Variants in FAM135B observed in about 807,000 individuals in gnomAD.
FAM135B encodes the protein family with sequence similarity 135 member B.
Under a neutral mutation model 127.7 loss-of-function variants are expected in FAM135B, and 43 were observed. The observed-to-expected ratio is 0.34, with a 90% CI of 0.26 to 0.43. The LOEUF is 0.43. FAM135B is among the 20% of genes least tolerant of loss of function. FAM135B has a pLI of 1.00. For synonymous variants in FAM135B, 670 were observed against 665.1 expected (o/e 1.01, Z -0.11); for missense variants, 1,558 against 1,725.6 (o/e 0.90, Z 1.72).
chr8:138,477,913 T>C (rs1375137984), intron 1 of FAM135B, among the ~76,000 whole-genome samples: 1 of 152,158 alleles, frequency 6.6e-6, no homozygotes, highest in Non-Finnish European at 1.5e-5. Flanking sequence ...CTCATGGTCA[T>C]GAACCAGAAA....
chr8:138,396,218 C>G (rs2131345899), intron 1 of FAM135B, among the ~76,000 whole-genome samples: 1 of 152,280 alleles, frequency 6.6e-6, no homozygotes. Context: ...CAGTCTTCCC[C>G]ACTGAAATGT....
intron 7 of FAM135B, among the ~76,000 whole-genome samples, chr8:138,240,804 T>C (rs1176364217): frequency 6.6e-6 from 1 of 152,190 alleles, no homozygotes; most frequent in East Asian, 1.9e-4. Flanking sequence ...AGAAACCTTC[T>C]CATAATCATC....
chr8:138,408,267 G>A (rs1329972645), intron 1 of FAM135B, among the ~76,000 whole-genome samples: 3 of 152,162 alleles, frequency 2.0e-5, no homozygotes, highest in African/African-American at 7.2e-5. Flanking sequence ...CTGAAAATCT[G>A]TTCCTTAGGG....
chr8:138,280,210 GTCT>G (rs1159530515), intron 3 of FAM135B, among the ~76,000 whole-genome samples: 2 of 152,182 alleles, frequency 1.3e-5, no homozygotes, highest in African/African-American at 4.8e-5. Context: ...GACTCCTTGT[GTCT>G]GAGAAAATTC....
chr8:138,427,076 T>C (rs1414897491), intron 1 of FAM135B, among the ~76,000 whole-genome samples: 3 of 151,966 alleles, frequency 2.0e-5, no homozygotes, highest in African/African-American at 7.2e-5. Flanking sequence ...CCTGTTTGTA[T>C]AAACCTGTTC....
At chr8:138,210,296 C>G (rs1159874147) in intron 7 of FAM135B, among the ~76,000 whole-genome samples, 9 of 152,198 alleles carry the variant, frequency 5.9e-5, no homozygotes, top group Admixed American at 5.9e-4. Context: ...GGCACAGAGT[C>G]AGCAGCTATG....
At chr8:138,160,668 G>A (rs1340567925) in intron 12 of FAM135B, among the ~76,000 whole-genome samples, 1 of 151,864 alleles carries the variant, frequency 6.6e-6, no homozygotes, top group Non-Finnish European at 1.5e-5. Context: ...AAAGTGCTAG[G>A]ATTACAGGCG....
intron 1 of FAM135B, among the ~76,000 whole-genome samples, chr8:138,460,927 C>A (rs1837085406): frequency 1.3e-5 from 2 of 152,156 alleles, no homozygotes; most frequent in Admixed American, 1.3e-4. Context: ...TGAGGTAGGG[C>A]TCAGACTCCT....
chr8:138,257,013 C>T (rs1360698560), intron 4 of FAM135B, among the ~76,000 whole-genome samples: 1 of 152,170 alleles, frequency 6.6e-6, no homozygotes. Context: ...AAAAAAAATG[C>T]TAAACAAGTT....
chr8:138,464,445 C>T (rs1837290100), intron 1 of FAM135B, among the ~76,000 whole-genome samples: 2 of 152,178 alleles, frequency 1.3e-5, no homozygotes, highest in Non-Finnish European at 2.9e-5. Context: ...AAACAATACC[C>T]ACCCCTTAGA....
intron 6 of FAM135B, among the ~76,000 whole-genome samples, chr8:138,246,267 GA>G (rs1330741317): frequency 6.6e-6 from 1 of 152,278 alleles, no homozygotes; most frequent in African/African-American, 2.4e-5. Flanking sequence ...AGGAAATGGG[GA>G]AAATGTCTCT....
At chr8:138,172,157 C>T (rs188254057) in intron 11 of FAM135B, among the ~76,000 whole-genome samples, 1 of 152,220 alleles carries the variant, frequency 6.6e-6, no homozygotes, top group Non-Finnish European at 1.5e-5. Context: ...ATTAAGCAAA[C>T]TGCAGGGAGA....
chr8:138,181,496 C>T (rs1016258277), intron 9 of FAM135B, among the ~76,000 whole-genome samples: 1 of 152,104 alleles, frequency 6.6e-6, no homozygotes, highest in Non-Finnish European at 1.5e-5. Flanking sequence ...CTCCCGTTCC[C>T]AGCCATACCA....
At chr8:138,368,038 A>G (rs1587254303) in intron 1 of FAM135B, 36 bp from the exon 2 acceptor site, 1 of 1,454,466 alleles carries the variant, frequency 6.9e-7, no homozygotes, top group East Asian at 2.3e-5. Flanking sequence ...GTTTGAGATC[A>G]CATCAGCCAC....
intron 3 of FAM135B, among the ~76,000 whole-genome samples, chr8:138,287,798 C>T (rs1293577109): frequency 6.6e-6 from 1 of 152,148 alleles, no homozygotes; most frequent in Non-Finnish European, 1.5e-5. Context: ...ACCACTGTTC[C>T]CAGTAGTACA....
intron 3 of FAM135B, among the ~76,000 whole-genome samples, chr8:138,308,288 C>T (rs1304178921): frequency 1.3e-5 from 2 of 152,234 alleles, no homozygotes; most frequent in African/African-American, 4.8e-5. Flanking sequence ...TTGGCTGCTC[C>T]ATCCTCAGCT....
At chr8:138,362,529 C>A (rs1482513042) in intron 2 of FAM135B, among the ~76,000 whole-genome samples, 1 of 152,166 alleles carries the variant, frequency 6.6e-6, no homozygotes, top group Non-Finnish European at 1.5e-5. Context: ...GTGGATAGCA[C>A]ATACTGCTTG....
At chr8:138,432,459 TATC>T (rs1451168734) in intron 1 of FAM135B, among the ~76,000 whole-genome samples, 3 of 151,944 alleles carry the variant, frequency 2.0e-5, no homozygotes, top group Non-Finnish European at 4.4e-5. Flanking sequence ...CAGTCTCTAA[TATC>T]ATGGTCTTCT....
chr8:138,343,002 T>C (rs973110357), intron 2 of FAM135B, among the ~76,000 whole-genome samples: 2 of 152,262 alleles, frequency 1.3e-5, no homozygotes, highest in African/African-American at 4.8e-5. Flanking sequence ...AGTGACATTT[T>C]CTTCCTTACA....
Sources: gnomAD v4.1 joint callset for allele counts (sites outside exome capture counted in the v4.1 genomes callset) on GRCh38, gnomAD v4.1.1 for gene constraint, MANE v1.5 for transcripts, NCBI Gene and HGNC (gene_info 2026-07-23, HGNC 2026-07-21) for gene names.